Variants in TTC3 observed in about 807,000 individuals in gnomAD.
TTC3 encodes the protein E3 ubiquitin-protein ligase TTC3.
Under a neutral mutation model 249.6 loss-of-function variants are expected in TTC3, and 180 were observed. The ratio of observed to expected loss-of-function variants is 0.72; its 90% CI spans 0.64 to 0.82. TTC3 has a LOEUF of 0.82. TTC3 is among the 40% of genes least tolerant of loss of function. The pLI, the probability that TTC3 is intolerant of heterozygous loss-of-function variation, is 0.00. For missense variants in TTC3, 2,061 were observed against 2,398.4 expected (o/e 0.86, Z 2.94); for synonymous variants, 717 against 805.0 (o/e 0.89, Z 1.85).
chr21:37,188,507 G>A, exon 39 of TTC3: 1 of 1,613,706 alleles, frequency 6.2e-7, no homozygotes, highest in East Asian at 2.2e-5. Flanking sequence ...ATCCGTACTT[G>A]AAAACTGGAA....
intron 39 of TTC3, among the ~76,000 whole-genome samples, chr21:37,190,400 C>G (rs944675998): frequency 4.6e-5 from 7 of 152,036 alleles, no homozygotes; most frequent in Admixed American, 4.6e-4. Context: ...TCCCAAAGTG[C>G]TGGGATTACA....
chr21:37,100,155 T>TGTC (rs2074336238), intron 10 of TTC3, among the ~76,000 whole-genome samples: 1 of 152,084 alleles, frequency 6.6e-6, no homozygotes, highest in Non-Finnish European at 1.5e-5. Context: ...GGAGGGGTGG[T>TGTC]ACACGGTGGG....
chr21:37,131,296 G>T (rs2077450125), intron 16 of TTC3, among the ~76,000 whole-genome samples: 1 of 152,148 alleles, frequency 6.6e-6, no homozygotes, highest in African/African-American at 2.4e-5. Context: ...CCAAGGAGAG[G>T]AGGGGGGCTG....
At chr21:37,146,839 G>A (rs1248444523) in intron 21 of TTC3, among the ~76,000 whole-genome samples, 1 of 152,180 alleles carries the variant, frequency 6.6e-6, no homozygotes, top group Non-Finnish European at 1.5e-5. Flanking sequence ...GTTGTATAGT[G>A]TGTAAATTAT....
chr21:37,199,328 G>GT (rs1463455187), intron 44 of TTC3, among the ~76,000 whole-genome samples: 1 of 152,246 alleles, frequency 6.6e-6, no homozygotes, highest in Non-Finnish European at 1.5e-5. Context: ...GACTCATTTT[G>GT]TGCCTTCAAG....
exon 33 of TTC3, chr21:37,166,587 T>C (rs1247010623): frequency 1.2e-6 from 2 of 1,613,352 alleles, no homozygotes; most frequent in Middle Eastern, 1.6e-4. Context: ...GTAACAAACA[T>C]TCCACACGTG....
At chr21:37,201,594 C>T in exon 46 of TTC3, 2 of 1,604,400 alleles carry the variant, frequency 1.2e-6, no homozygotes, top group South Asian at 2.2e-5. Context: ...ACTAAAGTGT[C>T]ATCCACCAGT....
chr21:37,161,942 G>A, intron 30 of TTC3, 48 bp from the exon 31 acceptor site: 1 of 1,327,864 alleles, frequency 7.5e-7, no homozygotes, highest in South Asian at 1.5e-5. Flanking sequence ...CTCTTTAATG[G>A]AATTTTAAGG....
At chr21:37,142,994 C>T (rs1368429187) in intron 20 of TTC3, among the ~76,000 whole-genome samples, 3 of 152,230 alleles carry the variant, frequency 2.0e-5, no homozygotes, top group African/African-American at 7.2e-5. Context: ...AAGAAATAGG[C>T]AAAGGATTCA....
chr21:37,114,308 C>T (rs1183622469), intron 11 of TTC3, among the ~76,000 whole-genome samples: 1 of 152,040 alleles, frequency 6.6e-6, no homozygotes, highest in Non-Finnish European at 1.5e-5. Flanking sequence ...GGGCTAATAT[C>T]CAGAATCTAC....
chr21:37,159,849 A>T (rs1428241279), intron 29 of TTC3, 104 bp downstream of exon 29: 1 of 1,082,924 alleles, frequency 9.2e-7, no homozygotes, highest in African/African-American at 1.6e-5. Flanking sequence ...GCCAGCATTC[A>T]AGAACCACAT....
In TTC3 at chr21:37,172,861, C is replaced by G. The variant is rs529286160; in HGVS notation, c.4617+117C>G. Reference sequence around the variant, plus strand: ...TGCATTGGTGGCTAAACAAAAGATTCTTTCTCAGAATCGCCTGCTTCAGAT... The same window carrying G: ...TGCATTGGTGGCTAAACAAAAGATTGTTTCTCAGAATCGCCTGCTTCAGAT... On this transcript the variant is annotated intron_variant, in intron 35 of 45. Coordinates refer to ENST00000355666, the Ensembl canonical transcript of TTC3. 7.2e-6 allele frequency: 9 copies of G among 1,253,904 alleles called. No individual in the cohort carries two copies. In the East Asian group the frequency reaches 2.1e-4, roughly 30 times the overall value. 77.7% of individuals were successfully genotyped at this position (1,253,904 alleles called of 1,614,324 possible). A position where few individuals can be genotyped will look rare whatever the true frequency, so the allele number is the denominator to read the frequency against.
intron 1 of TTC3, among the ~76,000 whole-genome samples, chr21:37,079,698 A>AT (rs1032977834): frequency 6.6e-6 from 1 of 151,200 alleles, no homozygotes; most frequent in Non-Finnish European, 1.5e-5. Context: ...TGCTTGGCTG[A>AT]TTTTTTTGTA....
intron 17 of TTC3, among the ~76,000 whole-genome samples, chr21:37,133,380 A>C (rs2147926991): frequency 6.6e-6 from 1 of 152,352 alleles, no homozygotes; most frequent in Middle Eastern, 3.4e-3. Context: ...TATTTTACAA[A>C]GAACTAAAAT....
At chr21:37,166,487 C>G (rs972739412) in exon 33 of TTC3, 1 of 1,614,156 alleles carries the variant, frequency 6.2e-7, no homozygotes. Context: ...AGGTGATGCT[C>G]ATACAGTCCT....
At chr21:37,170,600 A>G (rs1360508241) in intron 34 of TTC3, among the ~76,000 whole-genome samples, 1 of 152,200 alleles carries the variant, frequency 6.6e-6, no homozygotes, top group Non-Finnish European at 1.5e-5. Context: ...ATTATGATAT[A>G]CCTATAAAAT....
intron 23 of TTC3, among the ~76,000 whole-genome samples, chr21:37,148,976 A>G (rs1470624170): frequency 1.3e-5 from 2 of 152,186 alleles, no homozygotes; most frequent in African/African-American, 4.8e-5. Context: ...GGCATGAGCC[A>G]CTGCACCAGG....
intron 11 of TTC3, among the ~76,000 whole-genome samples, chr21:37,119,536 C>G (rs1343249100): frequency 6.6e-6 from 1 of 152,080 alleles, no homozygotes; most frequent in South Asian, 2.1e-4. Context: ...TTCTCTGGTC[C>G]TCTGCTCTGT....
At position 37,086,990 on chromosome 21, in the gene TTC3, T is replaced by C; in HGVS notation, c.-11-257T>C. 3 of 425,268 alleles carry C rather than the reference T, an allele frequency of 7.1e-6. No individual in the cohort carries two copies. The East Asian group carries it at 1.2e-4, about 18-fold the overall frequency. 26.3% of individuals were successfully genotyped at this position (425,268 alleles called of 1,614,324 possible). ...TGATCCTCTATTTAAAGGAGACATGTAAACAGGTTAACTTAGAGTAGAGAT... is the reference window on the plus strand; with the variant it reads ...TGATCCTCTATTTAAAGGAGACATGCAAACAGGTTAACTTAGAGTAGAGAT... On this transcript the variant is annotated intron_variant, in intron 1 of 45. Coordinates refer to ENST00000355666, the Ensembl canonical transcript of TTC3.
Sources: allele counts gnomAD v4.1 joint callset (sites outside exome capture counted in the v4.1 genomes callset), GRCh38; gene constraint gnomAD v4.1.1; transcripts MANE v1.5; gene names NCBI Gene and HGNC (gene_info 2026-07-23, HGNC 2026-07-21).